SEL1L3: variants seen among roughly 807,000 people sequenced by gnomAD.
The protein encoded by SEL1L3 is protein sel-1 homolog 3.
A neutral mutation model predicts 142.8 loss-of-function variants in SEL1L3; 76 were observed. The ratio of observed to expected loss-of-function variants is 0.53; its 90% CI spans 0.44 to 0.64. The LOEUF (loss-of-function observed/expected upper bound fraction) is 0.64, where lower values mean the gene tolerates loss of function less well. Ranked by LOEUF, SEL1L3 falls within the 30% of genes least tolerant of loss-of-function variation. The pLI is 0.00. For missense variants in SEL1L3, 1,262 were observed against 1,381.7 expected (o/e 0.91, Z 1.37); for synonymous variants, 504 against 519.6 (o/e 0.97, Z 0.41).
At chr4:25,778,604 G>T (rs1006244067) in intron 16 of SEL1L3, among the ~76,000 whole-genome samples, 1 of 152,134 alleles carries the variant, frequency 6.6e-6, no homozygotes, top group African/African-American at 2.4e-5. Flanking sequence ...TACTTATTGG[G>T]AAGATGAAAG....
chr4:25,762,299 T>A (rs1021219909), intron 20 of SEL1L3, among the ~76,000 whole-genome samples: 1 of 152,216 alleles, frequency 6.6e-6, no homozygotes, highest in Non-Finnish European at 1.5e-5. Flanking sequence ...TCTCAGATTA[T>A]AAGGAAAGTA....
At chr4:25,809,289 T>C (rs2109235837) in intron 9 of SEL1L3, among the ~76,000 whole-genome samples, 1 of 147,784 alleles carries the variant, frequency 6.8e-6, no homozygotes, top group South Asian at 2.2e-4. Context: ...ATTACAGGGA[T>C]GCACACCGTG....
chr4:25,739,067 G>T, the SEL1L3 span, among the ~76,000 whole-genome samples: 1 of 151,992 alleles, frequency 6.6e-6, no homozygotes, highest in East Asian at 1.9e-4. Flanking sequence ...AATTAGCCAG[G>T]CATGGTGGGG....
In SEL1L3 at chr4:25,862,787, T is replaced by C; in HGVS notation, c.50A>G (p.Gln17Arg). ...GLGWPRQQQQ[Q>R]PPPLAVGPRA... ...GGGGCCGACCGCGAGCGGCGGGGGT[T>C]GCTGCTGCTGCTGCCGCGGCCACCC... The change falls in exon 1 of 24, where the codon CAA (glutamine) becomes CGA (arginine). Residue 17 changes from glutamine (Q) to arginine (R), a missense_variant. Around this residue, in one of 3 missense-constraint regions of SEL1L3, gnomAD observed 689 missense variants for 692.8 expected, o/e 0.99. Coordinates refer to ENST00000399878, the MANE Select transcript of SEL1L3 (RefSeq NM_015187.5). 2 of 1,175,908 alleles carry C rather than the reference T, an allele frequency of 1.7e-6. No individual in the cohort carries two copies. The highest frequency in any genetic ancestry group is 2.1e-6 in the Non-Finnish European group (2 of 952,132). The allele number at this position is 1,175,908 out of a possible 1,614,324, so 72.8% of individuals were successfully genotyped here.
At chr4:25,762,889 T>C (rs373443718) in intron 20 of SEL1L3, among the ~76,000 whole-genome samples, 17 of 150,346 alleles carry the variant, frequency 1.1e-4, no homozygotes, top group Non-Finnish European at 1.6e-4. Flanking sequence ...GGCAGGAGAA[T>C]CACCTGAACC....
chr4:25,796,480 A>G (rs1020384484), intron 11 of SEL1L3, among the ~76,000 whole-genome samples: 3 of 152,152 alleles, frequency 2.0e-5, no homozygotes, highest in Non-Finnish European at 2.9e-5. Flanking sequence ...ATTTTAAAAA[A>G]TAAAATAAAG....
Position 25,847,488 on chromosome 4 carries a change from T to C in SEL1L3, c.539A>G (p.Lys180Arg). Residue 180 changes from lysine to arginine, a missense_variant, in exon 2 of 24, where the codon AAA (lysine) becomes AGA (arginine). By Grantham distance (26) the Lys-to-Arg change is conservative (BLOSUM62 2). This residue lies in a region of SEL1L3 where 689 missense variants were observed against 692.8 expected (regional missense o/e 0.99). Transcript: ENST00000399878. ...AVIVRAWITH[K>R]YSGRDWNVKW... The stretch of plus-strand genomic sequence containing the variant: ...AACATTCCAGTCTCTGCCACTGTAT[T>C]TGTGAGTAATCCAGGCGCGTACTAT... 2 of 1,614,042 alleles carry C rather than the reference T, an allele frequency of 1.2e-6. No individual in the cohort carries two copies. The highest frequency in any genetic ancestry group is 1.6e-4 in the Middle Eastern group (1 of 6,062).
chr4:25,811,748 G>GTTTTT (rs60024973), intron 9 of SEL1L3, among the ~76,000 whole-genome samples: 21 of 121,610 alleles, frequency 1.7e-4, no homozygotes, highest in Non-Finnish European at 3.2e-4. Flanking sequence ...TTCTTTTCCT[G>GTTTTT]TTTTTTTTTT....
chr4:25,783,740 G>A (rs1328900925), intron 14 of SEL1L3, among the ~76,000 whole-genome samples: 1 of 152,180 alleles, frequency 6.6e-6, no homozygotes, highest in African/African-American at 2.4e-5. Context: ...CTTAAATGTA[G>A]TGACAAAAGC....
At chr4:25,821,128 G>T (rs1250884034) in intron 7 of SEL1L3, among the ~76,000 whole-genome samples, 2 of 152,156 alleles carry the variant, frequency 1.3e-5, no homozygotes, top group African/African-American at 4.8e-5. Context: ...GCATACAGTA[G>T]GTTCTCAATA....
intron 9 of SEL1L3, among the ~76,000 whole-genome samples, chr4:25,807,182 G>A (rs1377949237): frequency 3.9e-5 from 6 of 152,068 alleles, no homozygotes; most frequent in Non-Finnish European, 5.9e-5. Context: ...ATTGCATTCC[G>A]TAGCTGTACC....
the SEL1L3 span, among the ~76,000 whole-genome samples, chr4:25,728,652 C>T: frequency 6.6e-6 from 1 of 152,044 alleles, no homozygotes; most frequent in East Asian, 1.9e-4. Context: ...TCCAGCCAGG[C>T]ATGGTGGCTC....
At chr4:25,826,522 C>A (rs1376296847) in intron 6 of SEL1L3, among the ~76,000 whole-genome samples, 1 of 152,032 alleles carries the variant, frequency 6.6e-6, no homozygotes, top group Non-Finnish European at 1.5e-5. Flanking sequence ...ACTACAGGAA[C>A]CCCCGGGGGA....
intron 5 of SEL1L3, among the ~76,000 whole-genome samples, chr4:25,831,480 T>G (rs1715430019): frequency 7.1e-6 from 1 of 141,480 alleles, no homozygotes; most frequent in South Asian, 2.2e-4. Flanking sequence ...ATCTGGCAAT[T>G]AATTATTTTT....
chr4:25,735,826 C>CTT, the SEL1L3 span, among the ~76,000 whole-genome samples: 358 of 101,566 alleles, frequency 3.5e-3, no homozygotes, highest in Non-Finnish European at 4.1e-3. Context: ...TCTAACTATT[C>CTT]TTTTTTTTTT....
chr4:25,797,349 G>A (rs967690318), intron 11 of SEL1L3, among the ~76,000 whole-genome samples: 4 of 152,134 alleles, frequency 2.6e-5, no homozygotes, highest in Non-Finnish European at 4.4e-5. Context: ...CACTTCAACC[G>A]CTCACCTCAG....
At position 25,788,507 on chromosome 4, in the gene SEL1L3, G is replaced by A. The variant is rs1354670411; in HGVS notation, c.2077-143C>T. The A allele has an allele frequency of 2.0e-5, 17 of 867,174 alleles. No homozygotes were observed. Among genetic ancestry groups the A allele is most frequent in the Non-Finnish European group, 3.5e-6 (2 of 574,046 alleles). The allele number at this position is 867,174 out of a possible 1,614,324, so 53.7% of individuals were successfully genotyped here. The stretch of plus-strand genomic sequence containing the variant: ...AGATACACTTTATCTTCCAACTGGA[G>A]GCCAGAGCCCTGAATGTGGACTTAT... On this transcript the variant is annotated intron_variant, in intron 12 of 23. Coordinates refer to ENST00000399878, the MANE Select transcript of SEL1L3 (RefSeq NM_015187.5). This position sits in a 1 kb window ranked among gnomAD's most constrained non-coding sequence, Gnocchi z 5.3.
intron 1 of SEL1L3, among the ~76,000 whole-genome samples, chr4:25,855,601 C>CA (rs892164809): frequency 1.8e-4 from 27 of 151,294 alleles, no homozygotes; most frequent in African/African-American, 6.3e-4. Flanking sequence ...GCTAAAAATA[C>CA]AAAAAAAAAG....
chr4:25,746,035 AT>A (rs1422682364), downstream of SEL1L3, among the ~76,000 whole-genome samples: 1 of 152,166 alleles, frequency 6.6e-6, no homozygotes, highest in Non-Finnish European at 1.5e-5. Flanking sequence ...CTTTGCTCAA[AT>A]CTCAGTGTTG....
Sources: gnomAD v4.1 joint callset for allele counts (sites outside exome capture counted in the v4.1 genomes callset) on GRCh38, gnomAD v4.1.1 for gene constraint, gnomAD v4.1.1 regional missense constraint, Gnocchi (gnomAD v3.1) non-coding constraint, MANE v1.5 for transcripts, NCBI Gene and HGNC (gene_info 2026-07-23, HGNC 2026-07-21) for gene names.